Variants in TRIT1 observed in about 807,000 individuals in gnomAD.
TRIT1 encodes the protein tRNA isopentenyltransferase 1.
TRIT1 carries 43 observed loss-of-function variants against 51.2 expected under a neutral mutation model. That is an observed-to-expected ratio of 0.84 (90% CI 0.66 to 1.08). The LOEUF (loss-of-function observed/expected upper bound fraction) is 1.08. Among genes scored for constraint, TRIT1 ranks in the 50% least tolerant of loss-of-function variants. TRIT1 has a pLI of 0.00. For synonymous variants in TRIT1, 184 were observed against 203.9 expected (o/e 0.90, Z 0.83); for missense variants, 528 against 578.4 (o/e 0.91, Z 0.89).
Position 39,841,077 on chromosome 1 carries a change from CTTCAATAAAAATATA to C in TRIT1, c.*652_*666del, listed in dbSNP as rs763368811. 14 of 152,136 alleles carry C rather than the reference CTTCAATAAAAATATA, an allele frequency of 9.2e-5. No homozygotes were observed. Among genetic ancestry groups the C allele is most frequent in the Non-Finnish European group, 1.9e-4 (13 of 68,010 alleles). The allele number at this position is 152,136 out of a possible 1,614,324, so 9.4% of individuals were successfully genotyped here. On this transcript the variant is annotated 3_prime_UTR_variant, in exon 11 of 11. Coordinates refer to ENST00000316891, the MANE Select transcript of TRIT1 (RefSeq NM_017646.6). ...CTTGTAAATTTTTTCTTTATTTAAACTTCAATAAAAATATAGATTTGTAACTCAATAGAAAGACAG... is the reference window on the plus strand; with the variant it reads ...CTTGTAAATTTTTTCTTTATTTAAACGATTTGTAACTCAATAGAAAGACAG...
intron 1 of TRIT1, among the ~76,000 whole-genome samples, chr1:39,882,757 T>C (rs979100413): frequency 3.3e-5 from 5 of 152,192 alleles, no homozygotes; most frequent in African/African-American, 1.2e-4. Context: ...TTCACAGATA[T>C]ATAAAATAAC....
In TRIT1 at chr1:39,852,714, G is replaced by A. The variant is rs201185800; in HGVS notation, c.560+17C>T. 4.8e-5 allele frequency: 78 copies of A among 1,611,388 alleles called. No individual in the cohort carries two copies. The East Asian group carries it at 1.4e-3, about 29-fold the overall frequency. ...AGTTGTAAAGGAATTTGGGGTCAGC[G>A]CGCCAGGCTTTCTTACCTGGCCACT... On this transcript the variant is annotated intron_variant, in intron 4 of 10. Transcript: ENST00000316891.
In TRIT1 at chr1:39,839,505, C is replaced by T. The variant is rs1010397594; in HGVS notation, c.*2239G>A. Among the ~76,000 whole-genome samples, 10 of 152,168 alleles carry T rather than the reference C, an allele frequency of 6.6e-5. No homozygotes were observed. The highest frequency in any genetic ancestry group is 1.9e-4 in the East Asian group (1 of 5,202). The stretch of plus-strand genomic sequence containing the variant: ...TACTTTCCTTCCCTACACTCAACAG[C>T]GAAGTCATTCATAGGGGAGCAGGCA... On this transcript the variant is annotated 3_prime_UTR_variant, in exon 11 of 11. Coordinates refer to ENST00000316891, the MANE Select transcript of TRIT1 (RefSeq NM_017646.6).
intron 1 of TRIT1, among the ~76,000 whole-genome samples, chr1:39,869,008 C>G (rs199642102): frequency 6.6e-6 from 1 of 152,122 alleles, no homozygotes; most frequent in African/African-American, 2.4e-5. Context: ...TGCAGTGAGC[C>G]GAGATCGTGC....
chr1:39,872,780 C>CACACACACACACACACACACACACAG (rs796230029), intron 1 of TRIT1, among the ~76,000 whole-genome samples: 4 of 106,128 alleles, frequency 3.8e-5, no homozygotes, highest in Admixed American at 1.3e-4. Context: ...CACACACACA[C>CACACACACACACACACACACACACAG]AGAGAGAGAG....
In TRIT1 at chr1:39,839,163, AT is replaced by A. The variant is rs1453946869; in HGVS notation, c.*2580del. On this transcript the variant is annotated 3_prime_UTR_variant, in exon 11 of 11. Coordinates refer to ENST00000316891, the MANE Select transcript of TRIT1 (RefSeq NM_017646.6). ...CCATTTAGATAGCACTGCTGGTGTG[AT>A]GGACTGGAGGCTCTGGATACCTGGA... Among the ~76,000 whole-genome samples the A allele has an allele frequency of 6.6e-6, 1 of 152,200 alleles. No individual in the cohort carries two copies. Among genetic ancestry groups the A allele is most frequent in the African/African-American group, 2.4e-5 (1 of 41,448 alleles).
At chr1:39,870,381 G>A (rs907175430) in intron 1 of TRIT1, among the ~76,000 whole-genome samples, 1 of 151,926 alleles carries the variant, frequency 6.6e-6, no homozygotes, top group East Asian at 1.9e-4. Context: ...GCGGAAGGCC[G>A]CAGGGTCCTC....
At chr1:39,861,161 G>A (rs190891371) in intron 1 of TRIT1, among the ~76,000 whole-genome samples, 3 of 152,320 alleles carry the variant, frequency 2.0e-5, no homozygotes, top group East Asian at 3.9e-4. Flanking sequence ...ATGTTGGCAA[G>A]GATGTAGAGA....
intron 2 of TRIT1, among the ~76,000 whole-genome samples, chr1:39,856,108 C>T (rs1431415198): frequency 6.6e-6 from 1 of 152,074 alleles, no homozygotes; most frequent in Non-Finnish European, 1.5e-5. Flanking sequence ...AGTTCGAGAC[C>T]AGCCTGGCCA....
rs530840294 is a variant in TRIT1 at position 39,870,263 on chromosome 1, A to T, written c.175-12846T>A. Among the ~76,000 whole-genome samples the T allele has an allele frequency of 2.6e-5, 4 of 152,308 alleles. No individual in the cohort carries two copies. The South Asian group carries it at 8.3e-4, about 32-fold the overall frequency. On this transcript the variant is annotated intron_variant, in intron 1 of 10. Coordinates refer to ENST00000316891, the MANE Select transcript of TRIT1 (RefSeq NM_017646.6). ...GCTGTGTCCACTCAGGGTTAAATGG[A>T]TTAAGGGCGGTGCAAGATGTGCTTT...
intron 1 of TRIT1, among the ~76,000 whole-genome samples, chr1:39,876,941 A>C (rs1413813288): frequency 2.1e-5 from 3 of 141,746 alleles, no homozygotes; most frequent in Non-Finnish European, 3.1e-5. Flanking sequence ...AAAAAAAAAC[A>C]AAAAAAAAAG....
intron 1 of TRIT1, among the ~76,000 whole-genome samples, chr1:39,864,597 CAAAA>C (rs58041605): frequency 9.3e-5 from 9 of 97,278 alleles, no homozygotes; most frequent in South Asian, 3.7e-4. Flanking sequence ...GACTCTGTCT[CAAAA>C]AAAAAAAAAA....
At chr1:39,879,969 G>A (rs930722656) in intron 1 of TRIT1, among the ~76,000 whole-genome samples, 14 of 149,820 alleles carry the variant, frequency 9.3e-5, no homozygotes, top group African/African-American at 3.5e-4. Flanking sequence ...GAGGTCAAGA[G>A]ATCAAGACCA....
Position 39,883,362 on chromosome 1 carries a change from C to G in TRIT1, c.130G>C (p.Gly44Arg). The part of the protein sequence containing the change: ...TGKSTLALQL[G>R]QRLGGEIVSA... ...ACGATCTCACCGCCGAGCCGCTGGC[C>G]TAGCTGCAACGCCAGCGTGGATTTG... The change falls in exon 1 of 11, where the codon GGC becomes CGC. Residue 44 changes from glycine to arginine, a missense_variant. Gly to Arg is a moderately radical substitution (Grantham distance 125). Coordinates refer to ENST00000316891, the MANE Select transcript of TRIT1 (RefSeq NM_017646.6). 6.2e-7 allele frequency: 1 copy of G among 1,612,934 alleles called. No individual in the cohort carries two copies. The highest frequency in any genetic ancestry group is 8.5e-7 in the Non-Finnish European group (1 of 1,179,670).
At chr1:39,850,629 A>T (rs906787719) in intron 4 of TRIT1, among the ~76,000 whole-genome samples, 1 of 152,246 alleles carries the variant, frequency 6.6e-6, no homozygotes, top group Non-Finnish European at 1.5e-5. Flanking sequence ...TAAAGTAAGA[A>T]ATAATATTAT....
intron 3 of TRIT1, among the ~76,000 whole-genome samples, chr1:39,853,357 T>A (rs1301026327): frequency 6.6e-6 from 1 of 152,086 alleles, no homozygotes; most frequent in African/African-American, 2.4e-5. Context: ...TTTTTTAATA[T>A]AATTTTTCTA....
intron 1 of TRIT1, chr1:39,862,681 G>A (rs974358389): frequency 4.8e-5 from 34 of 706,250 alleles, no homozygotes; most frequent in Non-Finnish European, 5.6e-5. Flanking sequence ...TGGTCCAGAG[G>A]TTTAGGTCAC....
At chr1:39,857,589 C>G (rs1642974260) in intron 1 of TRIT1, among the ~76,000 whole-genome samples, 172 bp from the exon 2 acceptor site, 1 of 152,110 alleles carries the variant, frequency 6.6e-6, no homozygotes, top group African/African-American at 2.4e-5. Context: ...AAACCCAAAA[C>G]AAAGAAAGAA....
At chr1:39,859,469 C>T (rs543440632) in intron 1 of TRIT1, among the ~76,000 whole-genome samples, 7 of 149,844 alleles carry the variant, frequency 4.7e-5, no homozygotes, top group Admixed American at 3.3e-4. Context: ...CCTGTAGTTC[C>T]GCTACTGGGG....
Sources: gnomAD v4.1 joint callset for allele counts (sites outside exome capture counted in the v4.1 genomes callset) on GRCh38, gnomAD v4.1.1 for gene constraint, MANE v1.5 for transcripts, NCBI Gene and HGNC (gene_info 2026-07-23, HGNC 2026-07-21) for gene names.